The following PPFIA4 variants were observed in gnomAD, a reference collection of about 807,000 sequenced individuals.
The protein encoded by PPFIA4 is liprin-alpha-4.
In PPFIA4, 98 loss-of-function variants were observed where a neutral mutation model predicts 145.7. That is an observed-to-expected ratio of 0.67 (90% CI 0.57 to 0.80). The LOEUF is 0.80. Ranked by LOEUF, PPFIA4 falls within the 30% of genes least tolerant of loss-of-function variation. The pLI is 0.00. For missense variants in PPFIA4, 1,457 were observed against 1,632.7 expected, an observed-to-expected ratio of 0.89 and a Z score of 1.85; for synonymous variants, 628 against 649.6, an observed-to-expected ratio of 0.97 and a Z score of 0.51.
At chr1:203,050,602 T>C (rs1357156796) in intron 13 of PPFIA4, among the ~76,000 whole-genome samples, 1 of 152,152 alleles carries the variant, frequency 6.6e-6, no homozygotes, top group Non-Finnish European at 1.5e-5. Context: ...AATGGAAATA[T>C]CCATATAGAT....
At chr1:203,054,082 A>G in intron 15 of PPFIA4, 121 bp downstream of exon 15, 1 of 1,160,592 alleles carries the variant, frequency 8.6e-7, no homozygotes, top group Non-Finnish European at 1.2e-6. Flanking sequence ...ACCACAGTTC[A>G]GGGACCCTCT....
rs1210541745 is a variant in PPFIA4 at position 203,077,891 on chromosome 1, TA to T, written c.*1502del. 6.6e-6 allele frequency: 1 copy of T among 152,276 alleles called. No individual in the cohort carries two copies. The highest frequency in any genetic ancestry group is 1.5e-5 in the Non-Finnish European group (1 of 68,078). The allele number at this position is 152,276 out of a possible 1,614,324, so 9.4% of individuals were successfully genotyped here. On this transcript the variant is annotated 3_prime_UTR_variant, in exon 30 of 30. Coordinates refer to ENST00000295706, the MANE Select transcript of PPFIA4 (RefSeq NM_001304331.2). ...AAGCATCTGGCATGTGTTTCTTGGA[TA>T]GGGGCCAGTGCAGTGCCATCCTACA... is the stretch of plus-strand genomic sequence containing the variant.
chr1:203,043,529 C>T lies in PPFIA4; in HGVS notation c.336+31C>T, dbSNP rs373141739. Reference sequence around the variant, plus strand: ...TGGGGATGACCTTGTGTCGCGCGCGCGCACGTGTGTGTGTGTGTGTATGGG... The same window carrying T: ...TGGGGATGACCTTGTGTCGCGCGCGTGCACGTGTGTGTGTGTGTGTATGGG... On this transcript the variant is annotated intron_variant, in intron 3 of 29. Transcript: ENST00000295706. This position sits in a 1 kb window ranked among gnomAD's most constrained non-coding sequence, Gnocchi z 4.4. 91 of 1,565,128 alleles carry T rather than the reference C, an allele frequency of 5.8e-5. No individual in the cohort carries two copies. The highest frequency in any genetic ancestry group is 3.7e-4 in the Admixed American group (20 of 53,988).
chr1:203,052,074 G>T (rs1250915923), intron 14 of PPFIA4, among the ~76,000 whole-genome samples, 197 bp downstream of exon 14: 3 of 135,190 alleles, frequency 2.2e-5, no homozygotes, highest in Admixed American at 7.7e-5. Flanking sequence ...TTGGCCTCCT[G>T]GTGGGCAAGA....
chr1:203,046,447 G>T (rs553206938), intron 9 of PPFIA4, 65 bp downstream of exon 9: 1 of 1,506,022 alleles, frequency 6.6e-7, no homozygotes, highest in Non-Finnish European at 8.9e-7. Context: ...AGGGAGCCAG[G>T]CAGGGAAGGG....
intron 1 of PPFIA4, chr1:203,035,345 T>C (rs1164960762): frequency 2.2e-6 from 1 of 455,984 alleles, no homozygotes; most frequent in Non-Finnish European, 4.4e-6. Flanking sequence ...GAGCCAGGCC[T>C]GTGTGTGGGG....
intron 24 of PPFIA4, among the ~76,000 whole-genome samples, chr1:203,062,039 C>T (rs1045842717): frequency 6.6e-6 from 1 of 152,302 alleles, no homozygotes; most frequent in African/African-American, 2.4e-5. Flanking sequence ...TCATCCATTT[C>T]ATGAGCAAAC....
At chr1:203,035,458 T>G in intron 1 of PPFIA4, 1 of 421,638 alleles carries the variant, frequency 2.4e-6, no homozygotes, top group Middle Eastern at 3.6e-4. Context: ...ACCTCTTTTG[T>G]GTTTCTAAAG....
At position 203,058,975 on chromosome 1, in the gene PPFIA4, C is replaced by T. The variant is rs1204361102; in HGVS notation, c.2408-203C>T. ...GAGGCTCCTGGGGAGACTCTCTGAA[C>T]TGGGGATGACCCGCTTGATGCCATT... is the stretch of plus-strand genomic sequence containing the variant. On this transcript the variant is annotated intron_variant, in intron 19 of 29. Transcript: ENST00000295706. Among the ~76,000 whole-genome samples the T allele has an allele frequency of 2.0e-5, 3 of 152,304 alleles. No homozygotes were observed. The East Asian group carries it at 5.8e-4, about 29-fold the overall frequency.
intron 1 of PPFIA4, among the ~76,000 whole-genome samples, chr1:203,029,153 G>A (rs1221559844): frequency 6.6e-6 from 1 of 152,146 alleles, no homozygotes; most frequent in Non-Finnish European, 1.5e-5. Context: ...AGACCTCCCC[G>A]TTTGTTGCCT....
At position 203,048,944 on chromosome 1, in the gene PPFIA4, C is replaced by T; in HGVS notation, c.1383C>T (p.Ser461=). 1 of 1,548,486 alleles carries T rather than the reference C, an allele frequency of 6.5e-7. No individual in the cohort carries two copies. The highest frequency in any genetic ancestry group is 8.7e-7 in the Non-Finnish European group (1 of 1,146,818). Reference sequence around the variant, plus strand: ...ACACGTTGATCCAGGAGTTGGAGAGCTCCCAGCGGCAGATTGAGGAGCAGC... The same window carrying T: ...ACACGTTGATCCAGGAGTTGGAGAGTTCCCAGCGGCAGATTGAGGAGCAGC... ...EKNTLIQELE[S]SQRQIEEQHH... The change falls in exon 12 of 30, where the codon AGC becomes AGT. Residue 461 remains serine, a synonymous_variant. Coordinates refer to ENST00000295706, the MANE Select transcript of PPFIA4 (RefSeq NM_001304331.2). The surrounding 1 kb of genome is among the most constrained non-coding windows in gnomAD (Gnocchi z 5.8).
At chr1:203,063,768 C>T (rs923014965) in intron 24 of PPFIA4, 60 bp from the exon 25 acceptor site, 1 of 1,581,494 alleles carries the variant, frequency 6.3e-7, no homozygotes, top group African/African-American at 1.3e-5. Flanking sequence ...CTATACCAGC[C>T]TCAGCCTGCT....
chr1:203,062,948 G>A (rs1398325805), intron 24 of PPFIA4: 1 of 152,230 alleles, frequency 6.6e-6, no homozygotes, highest in African/African-American at 2.4e-5. Flanking sequence ...GTAATGCTCT[G>A]CTGCTTAGCT....
At chr1:203,065,139 G>A (rs1468485870) in intron 25 of PPFIA4, among the ~76,000 whole-genome samples, 1 of 152,186 alleles carries the variant, frequency 6.6e-6, no homozygotes, top group African/African-American at 2.4e-5. Context: ...ATGGGGAGGA[G>A]CAGTAGCCCA....
chr1:203,051,614 C>A (rs1411793755), intron 13 of PPFIA4, 155 bp from the exon 14 acceptor site: 4 of 1,381,316 alleles, frequency 2.9e-6, no homozygotes, highest in Non-Finnish European at 3.9e-6. Flanking sequence ...CTCTTGCTTA[C>A]ACGGCAGCCC....
intron 9 of PPFIA4, among the ~76,000 whole-genome samples, chr1:203,047,537 A>G (rs1022113122): frequency 2.0e-5 from 3 of 152,176 alleles, no homozygotes; most frequent in Non-Finnish European, 2.9e-5. Context: ...GTGGCTTTCT[A>G]GAATATCTTG....
intron 1 of PPFIA4, among the ~76,000 whole-genome samples, chr1:203,037,942 T>G (rs1185885700): frequency 1.3e-5 from 2 of 152,306 alleles, no homozygotes; most frequent in East Asian, 3.9e-4. Context: ...CTGTCCTCCT[T>G]GGCAGGTTTT....
At chr1:203,033,115 A>G (rs965235953) in intron 1 of PPFIA4, among the ~76,000 whole-genome samples, 1 of 152,210 alleles carries the variant, frequency 6.6e-6, no homozygotes, top group African/African-American at 2.4e-5. Context: ...GCGGCATTTT[A>G]TACTTCTCAG....
intron 2 of PPFIA4, among the ~76,000 whole-genome samples, chr1:203,042,767 G>A (rs1042415159): frequency 1.2e-5 from 1 of 82,328 alleles, no homozygotes. Context: ...CTCTGGAGTA[G>A]CTGGAATTAC....
Sources: gnomAD v4.1 joint callset for allele counts (sites outside exome capture counted in the v4.1 genomes callset) on GRCh38, gnomAD v4.1.1 for gene constraint, Gnocchi (gnomAD v3.1) non-coding constraint, MANE v1.5 for transcripts, NCBI Gene and HGNC (gene_info 2026-07-23, HGNC 2026-07-21) for gene names.